The following PAK1 variants were observed in gnomAD, a reference collection of about 807,000 sequenced individuals.
PAK1 encodes the protein serine/threonine-protein kinase PAK 1.
PAK1 carries 29 observed loss-of-function variants against 67.4 expected under a neutral mutation model. That is an observed-to-expected ratio of 0.43 (90% confidence interval 0.32 to 0.59). The LOEUF is 0.59. PAK1 is among the 20% of genes least tolerant of loss of function. The pLI, the probability that PAK1 is intolerant of heterozygous loss-of-function variation, is 0.07. For missense variants in PAK1, 337 were observed against 670.7 expected (o/e 0.50, Z 5.50); for synonymous variants, 223 against 237.4 (o/e 0.94, Z 0.56).
the PAK1 span, among the ~76,000 whole-genome samples, chr11:77,501,902 A>G: frequency 1.2e-4 from 18 of 152,266 alleles, no homozygotes; most frequent in East Asian, 1.4e-3. Context: ...CCTGACCAAT[A>G]TCTTCCTCCT....
chr11:77,456,678 C>T (rs536143577), intron 1 of PAK1, among the ~76,000 whole-genome samples: 1 of 152,254 alleles, frequency 6.6e-6, no homozygotes, highest in South Asian at 2.1e-4. Flanking sequence ...AAGTGCTTTA[C>T]AACTACTACC....
At chr11:77,518,146 C>T in the PAK1 span, among the ~76,000 whole-genome samples, 1 of 152,156 alleles carries the variant, frequency 6.6e-6, no homozygotes, top group Non-Finnish European at 1.5e-5. Context: ...TAAATTCAAT[C>T]TAGTCTAAAT....
chr11:77,441,103 G>A (rs974270167), intron 1 of PAK1, among the ~76,000 whole-genome samples: 2 of 152,080 alleles, frequency 1.3e-5, no homozygotes, highest in Non-Finnish European at 2.9e-5. Flanking sequence ...AAGGCCTTTA[G>A]CCCTGCAGAC....
chr11:77,377,490 G>A (rs1036200693), intron 4 of PAK1, among the ~76,000 whole-genome samples: 4 of 151,950 alleles, frequency 2.6e-5, no homozygotes, highest in East Asian at 1.9e-4. Context: ...ATGTACACAC[G>A]TATCTGTACA....
intron 1 of PAK1, among the ~76,000 whole-genome samples, chr11:77,410,381 G>A (rs1425593163): frequency 6.6e-6 from 1 of 152,104 alleles, no homozygotes; most frequent in Admixed American, 6.5e-5. Flanking sequence ...GCAGGCCCAA[G>A]GCAAGGCACA....
the PAK1 span, among the ~76,000 whole-genome samples, chr11:77,489,409 T>G: frequency 6.6e-6 from 1 of 150,828 alleles, no homozygotes; most frequent in Admixed American, 6.6e-5. Context: ...CTCTCCTCTC[T>G]CCTCTCTCCT....
the PAK1 span, among the ~76,000 whole-genome samples, chr11:77,501,475 G>A: frequency 2.6e-5 from 4 of 152,130 alleles, no homozygotes; most frequent in Admixed American, 2.0e-4. Flanking sequence ...CGGGTAATAA[G>A]CAACAGCTTT....
At chr11:77,375,149 T>C (rs1248415413) in intron 4 of PAK1, among the ~76,000 whole-genome samples, 1 of 152,214 alleles carries the variant, frequency 6.6e-6, no homozygotes, top group African/African-American at 2.4e-5. Context: ...TTGCCCAGGG[T>C]ACACACAGGT....
intron 1 of PAK1, among the ~76,000 whole-genome samples, chr11:77,402,266 G>A (rs1165218447): frequency 6.6e-6 from 1 of 152,182 alleles, no homozygotes; most frequent in Admixed American, 6.5e-5. Context: ...GCAGCAAAGT[G>A]AAGTGGAAAC....
intron 1 of PAK1, among the ~76,000 whole-genome samples, chr11:77,432,423 T>A (rs1955902302): frequency 6.6e-6 from 1 of 152,072 alleles, no homozygotes; most frequent in Non-Finnish European, 1.5e-5. Context: ...GCACTGAAGG[T>A]TCTGGTCAGA....
chr11:77,506,232 G>C, the PAK1 span, among the ~76,000 whole-genome samples: 1 of 152,162 alleles, frequency 6.6e-6, no homozygotes, highest in African/African-American at 2.4e-5. Flanking sequence ...GTACATAGAC[G>C]GAAGGCTAGA....
At chr11:77,442,422 A>G (rs191573025) in intron 1 of PAK1, among the ~76,000 whole-genome samples, 188 of 152,310 alleles carry the variant, frequency 1.2e-3, no homozygotes, top group African/African-American at 4.3e-3. Flanking sequence ...GCCAGCTGAT[A>G]TGCTGTGAAC....
chr11:77,462,172 A>C (rs922692345), intron 1 of PAK1, among the ~76,000 whole-genome samples: 4 of 149,188 alleles, frequency 2.7e-5, no homozygotes, highest in Non-Finnish European at 4.5e-5. Flanking sequence ...TAAAAATACA[A>C]AAAAAAAAAT....
rs35602138 is a variant in PAK1, at chr11:77,426,078, C to CTTT, written c.-21-33540_-21-33538dup. 3.0e-3 allele frequency among the ~76,000 whole-genome samples: 356 copies of CTTT among 117,212 alleles called. 7 individuals carry two copies. The highest frequency in any genetic ancestry group is 0.012 in the African/African-American group (342 of 29,398). 76.9% of individuals were successfully genotyped at this position (117,212 alleles called of 152,430 possible). A position where few individuals can be genotyped will look rare whatever the true frequency, so the allele number is the denominator to read the frequency against. On this transcript the variant is annotated intron_variant, in intron 1 of 14. Transcript: ENST00000356341. Reference sequence around the variant, plus strand: ...TTCTTGACTTTTCAATTGAAGGCCTCTTTTTTTTTTTTTTTTTTTTTTTAC... The same window carrying CTTT: ...TTCTTGACTTTTCAATTGAAGGCCTCTTTTTTTTTTTTTTTTTTTTTTTTTTAC...
the PAK1 span, among the ~76,000 whole-genome samples, chr11:77,487,304 T>G: frequency 6.6e-6 from 1 of 152,136 alleles, no homozygotes; most frequent in Non-Finnish European, 1.5e-5. Flanking sequence ...ACAGCAGGGA[T>G]AGCCAGGTGG....
intron 8 of PAK1, 99 bp from the exon 9 acceptor site, chr11:77,349,386 A>G: frequency 5.7e-6 from 5 of 874,116 alleles, no homozygotes; most frequent in African/African-American, 3.3e-5. Flanking sequence ...TGAGTGTCAA[A>G]AACAAGAGCA....
the PAK1 span, among the ~76,000 whole-genome samples, chr11:77,522,195 G>A: frequency 6.6e-6 from 1 of 152,184 alleles, no homozygotes; most frequent in African/African-American, 2.4e-5. Context: ...CCAGGCCAGC[G>A]ATGGGTTTGT....
rs1253340791 is a variant in PAK1, at chr11:77,460,341, TA to T, written c.-22+13210del. Among the ~76,000 whole-genome samples the T allele has an allele frequency of 1.2e-3, 162 of 129,802 alleles. 1 individual carries two copies. The highest frequency in any genetic ancestry group is 1.8e-3 in the Non-Finnish European group (104 of 58,496). 85.2% of individuals were successfully genotyped at this position (129,802 alleles called of 152,430 possible). On this transcript the variant is annotated intron_variant, in intron 1 of 14. Coordinates refer to ENST00000356341, the MANE Select transcript of PAK1 (RefSeq NM_002576.5). ...TTGTTTGCTTTTTTTTTTTTTTTTTTAAAGTTAAGTTTGGCACCATGAACAT... is the reference window on the plus strand; with the variant it reads ...TTGTTTGCTTTTTTTTTTTTTTTTTTAAGTTAAGTTTGGCACCATGAACAT...
chr11:77,513,062 C>T, the PAK1 span, among the ~76,000 whole-genome samples: 1 of 152,138 alleles, frequency 6.6e-6, no homozygotes, highest in Non-Finnish European at 1.5e-5. Context: ...TGCACTCCAG[C>T]CTGGGCGATG....
Sources: allele counts gnomAD v4.1 joint callset (sites outside exome capture counted in the v4.1 genomes callset), GRCh38; gene constraint gnomAD v4.1.1; transcripts MANE v1.5; gene names NCBI Gene and HGNC (gene_info 2026-07-23, HGNC 2026-07-21).